CAMK2B: variants seen among roughly 807,000 people sequenced by gnomAD.
CAMK2B encodes calcium/calmodulin-dependent protein kinase type II subunit beta.
CAMK2B carries 27 observed loss-of-function variants against 93.7 expected under a neutral mutation model. The observed-to-expected ratio is 0.29, with a 90% confidence interval of 0.21 to 0.40. CAMK2B has a LOEUF of 0.40. Among genes scored for constraint, CAMK2B ranks in the 10% least tolerant of loss-of-function variants. CAMK2B has a pLI of 1.00. For missense variants in CAMK2B, 568 were observed against 895.8 expected, an observed-to-expected ratio of 0.63 and a Z score of 4.67; for synonymous variants, 374 against 358.8, an observed-to-expected ratio of 1.04 and a Z score of -0.48.
At chr7:44,291,862 G>A (rs560511441) in intron 1 of CAMK2B, among the ~76,000 whole-genome samples, 6 of 152,198 alleles carry the variant, frequency 3.9e-5, no homozygotes, top group Non-Finnish European at 8.8e-5. Context: ...CTTGGAATCT[G>A]GGTGGCTCAT....
In CAMK2B at chr7:44,271,624, GATTT is replaced by G. The variant is rs2096975506; in HGVS notation, c.161-8564_161-8561del. On this transcript the variant is annotated intron_variant, in intron 2 of 23. Transcript: ENST00000395749. This position sits in a 1 kb window ranked among gnomAD's most constrained non-coding sequence, Gnocchi z 4.2. Reference sequence around the variant, plus strand: ...AAGTCCCTTGGTAGCACTGACCTTGGATTTATTTGAGACCAGATTGGGCAGCTGG... The same window carrying G: ...AAGTCCCTTGGTAGCACTGACCTTGGATTTGAGACCAGATTGGGCAGCTGG... Among the ~76,000 whole-genome samples, 1 of 152,230 alleles carries G rather than the reference GATTT, an allele frequency of 6.6e-6. No homozygotes were observed. Among genetic ancestry groups the G allele is most frequent in the Non-Finnish European group, 1.5e-5 (1 of 68,032 alleles).
chr7:44,301,303 T>C (rs1048721626), intron 1 of CAMK2B, among the ~76,000 whole-genome samples: 6 of 152,092 alleles, frequency 3.9e-5, no homozygotes, highest in Non-Finnish European at 5.9e-5. Flanking sequence ...ATGTTTTTTG[T>C]TTGTTTGTTT....
intron 1 of CAMK2B, among the ~76,000 whole-genome samples, chr7:44,293,335 A>G (rs1287293556): frequency 1.3e-5 from 2 of 152,258 alleles, no homozygotes; most frequent in Non-Finnish European, 2.9e-5. Flanking sequence ...TAACCAAATA[A>G]GCTCATGACA....
At chr7:44,301,182 CA>C (rs1789903720) in intron 1 of CAMK2B, among the ~76,000 whole-genome samples, 1 of 152,140 alleles carries the variant, frequency 6.6e-6, no homozygotes, top group Admixed American at 6.5e-5. Flanking sequence ...GGCTGGAGTG[CA>C]GTGACACAAT....
At chr7:44,316,097 C>G (rs987905455) in intron 1 of CAMK2B, among the ~76,000 whole-genome samples, 14 of 152,098 alleles carry the variant, frequency 9.2e-5, no homozygotes, top group African/African-American at 3.1e-4. Context: ...ACCGTGCTGC[C>G]TAGAAATGGA....
chr7:44,235,973 T>A (rs2096621936), intron 13 of CAMK2B, among the ~76,000 whole-genome samples: 1 of 151,102 alleles, frequency 6.6e-6, no homozygotes, highest in Admixed American at 6.6e-5. Flanking sequence ...TCAAATGGGA[T>A]CCTCCCCCAA....
intron 1 of CAMK2B, among the ~76,000 whole-genome samples, chr7:44,289,764 G>A (rs10262031): frequency 0.29 from 43,765 of 152,142 alleles, 7,207 homozygotes; most frequent in Non-Finnish European, 0.38. Flanking sequence ...TGGAGTGATC[G>A]TGCATGTGAT....
chr7:44,230,904 A>G (rs749472496), intron 17 of CAMK2B, 102 bp downstream of exon 17: 37 of 957,378 alleles, frequency 3.9e-5, no homozygotes, highest in Non-Finnish European at 5.4e-5. Context: ...TGCATAAACT[A>G]GGCGTCGCAG....
At chr7:44,283,081 C>T (rs2097114968) in intron 2 of CAMK2B, among the ~76,000 whole-genome samples, 1 of 152,238 alleles carries the variant, frequency 6.6e-6, no homozygotes, top group Admixed American at 6.5e-5. Flanking sequence ...GGCAGCCCAC[C>T]CTTCCTGCAC....
intron 1 of CAMK2B, among the ~76,000 whole-genome samples, chr7:44,295,683 G>C (rs537396487): frequency 6.6e-6 from 1 of 152,320 alleles, no homozygotes; most frequent in South Asian, 2.1e-4. Flanking sequence ...TTCTGGCAGG[G>C]GGAGGAGAAA....
chr7:44,301,950 CA>C (rs1790170690), intron 1 of CAMK2B, among the ~76,000 whole-genome samples: 1 of 151,858 alleles, frequency 6.6e-6, no homozygotes, highest in African/African-American at 2.4e-5. Flanking sequence ...AGAAAATCAA[CA>C]AAGCCAACAG....
chr7:44,307,325 AAGGGGGAGGAAGTTGTCAGC>A lies in CAMK2B; in HGVS notation c.65+18012_65+18031del, dbSNP rs1414912386. On this transcript the variant is annotated intron_variant, in intron 1 of 23. Transcript: ENST00000395749. ...GTGAGCAGGCGGAGGAGGGTGTGAG[AAGGGGGAGGAAGTTGTCAGC>A]AGGGGGAGGAAGTTGTCAGCAGGGG... Among the ~76,000 whole-genome samples the A allele has an allele frequency of 8.2e-3, 602 of 73,562 alleles. 15 individuals are homozygous for A. The highest frequency in any genetic ancestry group is 0.031 in the African/African-American group (559 of 17,984). The allele number at this position is 73,562 out of a possible 152,430, so 48.3% of individuals were successfully genotyped here. A position where few individuals can be genotyped will look rare whatever the true frequency, so the allele number is the denominator to read the frequency against.
chr7:44,281,613 G>C (rs1426549398), intron 2 of CAMK2B, among the ~76,000 whole-genome samples: 1 of 152,126 alleles, frequency 6.6e-6, no homozygotes, highest in Non-Finnish European at 1.5e-5. Flanking sequence ...CCTGCCCTCT[G>C]CTCCCGGCGA....
In CAMK2B at chr7:44,243,254, T is replaced by A; in HGVS notation, c.597A>T (p.Ala199=). The part of the protein sequence containing the change: ...EAYGKPVDIW[A]CGVILYILLV... The stretch of plus-strand genomic sequence containing the variant: ...CCAACTCAGGCCAGGCCTCACCACA[T>A]GCCCAGATGTCCACAGGCTTGCCAT... The change falls in exon 8 of 24, where the codon GCA becomes GCT. Residue 199 remains alanine (A), a synonymous_variant. Coordinates refer to ENST00000395749, the MANE Select transcript of CAMK2B (RefSeq NM_001220.5). The A allele has an allele frequency of 6.2e-7, 1 of 1,613,228 alleles. No homozygotes were observed. The highest frequency in any genetic ancestry group is 8.5e-7 in the Non-Finnish European group (1 of 1,179,324).
At chr7:44,234,795 C>T in intron 13 of CAMK2B, 119 bp from the exon 14 acceptor site, 1 of 1,093,404 alleles carries the variant, frequency 9.1e-7, no homozygotes, top group South Asian at 1.4e-5. Flanking sequence ...GGTCCTGAGG[C>T]AAGTGTGGTT....
At position 44,219,356 on chromosome 7, in the gene CAMK2B, T is replaced by C. The variant is rs1332130589; in HGVS notation, c.*169A>G. ...TCGTCGTCATCTTGTTTTTTTTTTTTTTTTTTTTGTTTTTTTTTAACAAAT... is the reference window on the plus strand; with the variant it reads ...TCGTCGTCATCTTGTTTTTTTTTTTCTTTTTTTTGTTTTTTTTTAACAAAT... On this transcript the variant is annotated 3_prime_UTR_variant, in exon 24 of 24. Transcript: ENST00000395749. The C allele has an allele frequency of 2.3e-5, 3 of 132,878 alleles. No individual in the cohort carries two copies. Among genetic ancestry groups the C allele is most frequent in the Non-Finnish European group, 5.0e-5 (3 of 60,240 alleles). The allele number at this position is 132,878 out of a possible 1,614,324, so 8.2% of individuals were successfully genotyped here.
At chr7:44,314,688 G>A (rs1794424162) in intron 1 of CAMK2B, among the ~76,000 whole-genome samples, 1 of 152,188 alleles carries the variant, frequency 6.6e-6, no homozygotes. Flanking sequence ...CATAGTAGCT[G>A]TGCCATTTTA....
Position 44,286,754 on chromosome 7 carries a change from G to A in CAMK2B, c.66-2529C>T, listed in dbSNP as rs557324793. Among the ~76,000 whole-genome samples the A allele has an allele frequency of 4.6e-5, 7 of 152,338 alleles. No homozygotes were observed. Among genetic ancestry groups the A allele is most frequent in the East Asian group, 1.9e-4 (1 of 5,184 alleles). On this transcript the variant is annotated intron_variant, in intron 1 of 23. Coordinates refer to ENST00000395749, the MANE Select transcript of CAMK2B (RefSeq NM_001220.5). This position sits in a 1 kb window ranked among gnomAD's most constrained non-coding sequence, Gnocchi z 4.0. ...GCCTAGGTCGGAGCAGTCAGCAATC[G>A]GGGAAGGCGGGGGCAGGGAACACAG... is the stretch of plus-strand genomic sequence containing the variant.
rs566214805 is a variant in CAMK2B at position 44,285,919 on chromosome 7, G to A, written c.66-1694C>T. 1.6e-3 allele frequency among the ~76,000 whole-genome samples: 236 copies of A among 151,426 alleles called. 1 individual carries two copies. Among genetic ancestry groups the A allele is most frequent in the African/African-American group, 4.9e-3 (203 of 41,248 alleles). ...CGGTGAGGTGTTCACTGTTCACTCC[G>A]CATTCTCTTGCTCTGCTTGATTTTT... On this transcript the variant is annotated intron_variant, in intron 1 of 23. Coordinates refer to ENST00000395749, the MANE Select transcript of CAMK2B (RefSeq NM_001220.5).
Sources: gnomAD v4.1 joint callset for allele counts (sites outside exome capture counted in the v4.1 genomes callset) on GRCh38, gnomAD v4.1.1 for gene constraint, Gnocchi (gnomAD v3.1) non-coding constraint, MANE v1.5 for transcripts, NCBI Gene and HGNC (gene_info 2026-07-23, HGNC 2026-07-21) for gene names.